CD40: variants seen among roughly 807,000 people sequenced by gnomAD.
CD40 encodes CD40 molecule, also known as tumor necrosis factor receptor superfamily member 5.
Under a neutral mutation model 38.5 loss-of-function variants are expected in CD40, and 19 were observed. That is an observed-to-expected ratio of 0.49 (90% CI 0.34 to 0.72). The LOEUF (loss-of-function observed/expected upper bound fraction) is 0.72. Among genes scored for constraint, CD40 ranks in the 30% least tolerant of loss-of-function variants. CD40 has a pLI of 0.01. For synonymous variants in CD40, 130 were observed against 128.7 expected (o/e 1.01, Z -0.07); for missense variants, 256 against 344.1 (o/e 0.74, Z 2.03).
chr20:46,121,785 C>T lies in CD40; in HGVS notation c.52-35C>T, dbSNP rs11569315. On this transcript the variant is annotated intron_variant, in intron 1 of 8. Transcript: ENST00000372285. Reference sequence around the variant, plus strand: ...GCTGAAGAAGTTGCAACGGAGATTTCAAGATCCCTTCAAATTGCACAATTC... The same window carrying T: ...GCTGAAGAAGTTGCAACGGAGATTTTAAGATCCCTTCAAATTGCACAATTC... 2,496 of 1,532,228 alleles carry T rather than the reference C, an allele frequency of 1.6e-3. 38 individuals are homozygous for T. In the African/African-American group the frequency reaches 0.029, roughly 18 times the overall value. 94.9% of individuals were successfully genotyped at this position (1,532,228 alleles called of 1,614,324 possible).
chr20:46,128,147 A>G lies in CD40; in HGVS notation c.569A>G (p.Asp190Gly). Residue 190 changes from aspartate (D) to glycine (G), a missense_variant, in exon 7 of 9, where the codon GAT becomes GGT. Physicochemically the swap from Asp to Gly is moderately conservative, Grantham distance 94. Coordinates refer to ENST00000372285, the MANE Select transcript of CD40 (RefSeq NM_001250.6). ...NKTDVVCGPQ[D>G]RLRALVVIPI... ...GTCCTGATTTCTCCAGGTCCCCAGG[A>G]TCGGCTGAGAGCCCTGGTGGTGATC... 6.2e-7 allele frequency: 1 copy of G among 1,613,710 alleles called. No individual in the cohort carries two copies. The highest frequency in any genetic ancestry group is 8.5e-7 in the Non-Finnish European group (1 of 1,179,884).
At chr20:46,121,742 G>C in intron 1 of CD40, 78 bp from the exon 2 acceptor site, 2 of 1,078,204 alleles carry the variant, frequency 1.9e-6, no homozygotes, top group Admixed American at 1.7e-5. Context: ...CTCTGTCCTG[G>C]ATGACTTTTA....
chr20:46,126,053 G>A (rs2085428331), intron 5 of CD40, among the ~76,000 whole-genome samples: 1 of 152,136 alleles, frequency 6.6e-6, no homozygotes, highest in Non-Finnish European at 1.5e-5. Context: ...TAAACCAGAG[G>A]TTCTCAACAG....
At chr20:46,126,591 T>C (rs2085441014) in intron 5 of CD40, 49 bp from the exon 6 acceptor site, 1 of 1,612,466 alleles carries the variant, frequency 6.2e-7, no homozygotes, top group Non-Finnish European at 8.5e-7. Flanking sequence ...AAACTTAATA[T>C]CTCTTTCTTT....
chr20:46,129,190 A>G lies in CD40; in HGVS notation c.*150A>G. ...TGCCTGCACCCCTGCAGTTTGAGAC[A>G]GGAGACCTGGCACTGGATGCAGAAA... On this transcript the variant is annotated 3_prime_UTR_variant, in exon 9 of 9. Transcript: ENST00000372285. 1 of 818,176 alleles carries G rather than the reference A, an allele frequency of 1.2e-6. No individual in the cohort carries two copies. The highest frequency in any genetic ancestry group is 1.7e-5 in the African/African-American group (1 of 59,656). The allele number at this position is 818,176 out of a possible 1,614,324, so 50.7% of individuals were successfully genotyped here.
intron 5 of CD40, among the ~76,000 whole-genome samples, chr20:46,125,148 G>A (rs1401844766): frequency 6.6e-6 from 1 of 151,180 alleles, no homozygotes; most frequent in Non-Finnish European, 1.5e-5. Flanking sequence ...CCCTCACTGA[G>A]CCTCAGTCTC....
intron 5 of CD40, among the ~76,000 whole-genome samples, chr20:46,126,325 G>C (rs554275229): frequency 6.6e-6 from 1 of 150,674 alleles, no homozygotes; most frequent in East Asian, 2.0e-4. Context: ...GGTGGATTCT[G>C]TCTCCTCTGA....
intron 6 of CD40, 189 bp from the exon 7 acceptor site, chr20:46,127,949 C>T (rs1258274631): frequency 1.1e-5 from 12 of 1,102,708 alleles, no homozygotes; most frequent in Non-Finnish European, 1.5e-5. Context: ...TATTTCCAAA[C>T]GTTAAGAAAA....
At chr20:46,124,782 T>TGAGACAGAG (rs2085395920) in intron 5 of CD40, among the ~76,000 whole-genome samples, 1 of 113,432 alleles carries the variant, frequency 8.8e-6, no homozygotes, top group Non-Finnish European at 1.9e-5. Context: ...TTTTTTTTTT[T>TGAGACAGAG]TTGAGACAGA....
chr20:46,124,770 T>G (rs1171710731), intron 5 of CD40, among the ~76,000 whole-genome samples: 1 of 113,146 alleles, frequency 8.8e-6, no homozygotes, highest in Non-Finnish European at 1.8e-5. Flanking sequence ...TTTTTTTTTT[T>G]TTTTTTTTTT....
In CD40 at chr20:46,122,585, A is replaced by G. The variant is rs771888321; in HGVS notation, c.257-25A>G. The G allele has an allele frequency of 8.7e-6, 14 of 1,613,988 alleles. No individual in the cohort carries two copies. The Admixed American group carries it at 2.3e-4, about 27-fold the overall frequency. Reference sequence around the variant, plus strand: ...GAGCATGGCCCAGCAGGGGGTTCCCATCCTTCCTGCCCTTCTCTTCTCAGA... The same window carrying G: ...GAGCATGGCCCAGCAGGGGGTTCCCGTCCTTCCTGCCCTTCTCTTCTCAGA... On this transcript the variant is annotated intron_variant, in intron 3 of 8. Transcript: ENST00000372285. This position sits in a 1 kb window ranked among gnomAD's most constrained non-coding sequence, Gnocchi z 5.0.
intron 1 of CD40, among the ~76,000 whole-genome samples, chr20:46,119,380 T>A (rs964802089): frequency 8.6e-5 from 13 of 151,000 alleles, no homozygotes; most frequent in African/African-American, 3.2e-4. Context: ...AGAGAGGGAG[T>A]GGGGAGGCTG....
intron 6 of CD40, 93 bp downstream of exon 6, chr20:46,126,794 G>A (rs2085446062): frequency 6.2e-7 from 1 of 1,604,510 alleles, no homozygotes; most frequent in African/African-American, 1.3e-5. Context: ...TGGGAAAAAG[G>A]GGAGGGGAGG....
chr20:46,125,386 A>T (rs1464262379), intron 5 of CD40, among the ~76,000 whole-genome samples: 1 of 151,710 alleles, frequency 6.6e-6, no homozygotes, highest in African/African-American at 2.4e-5. Context: ...TCTACTAAAA[A>T]TACAAAAATT....
chr20:46,122,145 A>G lies in CD40; in HGVS notation c.131-88A>G. ...CAAGACTTTCATCTTTGAATCCCCT[A>G]CCCTAAAGCCTGGCCTGATCATTGT... On this transcript the variant is annotated intron_variant, in intron 2 of 8. Coordinates refer to ENST00000372285, the MANE Select transcript of CD40 (RefSeq NM_001250.6). The surrounding 1 kb of genome is among the most constrained non-coding windows in gnomAD (Gnocchi z 5.0). 1 of 1,513,782 alleles carries G rather than the reference A, an allele frequency of 6.6e-7. No individual in the cohort carries two copies. The highest frequency in any genetic ancestry group is 9.2e-7 in the Non-Finnish European group (1 of 1,089,428). 93.8% of individuals were successfully genotyped at this position (1,513,782 alleles called of 1,614,324 possible).
chr20:46,125,576 A>G (rs1443950194), intron 5 of CD40, among the ~76,000 whole-genome samples: 1 of 150,634 alleles, frequency 6.6e-6, no homozygotes, highest in Non-Finnish European at 1.5e-5. Context: ...AAAAAAGACT[A>G]AAGTACATGG....
At chr20:46,126,515 T>C (rs1435324708) in intron 5 of CD40, 125 bp from the exon 6 acceptor site, 2 of 1,054,750 alleles carry the variant, frequency 1.9e-6, no homozygotes, top group East Asian at 5.0e-5. Context: ...TGTTGTGTGC[T>C]CAGTGAACCT....
chr20:46,129,175 C>T lies in CD40; in HGVS notation c.*135C>T. 1.0e-6 allele frequency: 1 copy of T among 962,736 alleles called. No individual in the cohort carries two copies. Among genetic ancestry groups the T allele is most frequent in the East Asian group, 2.5e-5 (1 of 39,254 alleles). The allele number at this position is 962,736 out of a possible 1,614,324, so 59.6% of individuals were successfully genotyped here. On this transcript the variant is annotated 3_prime_UTR_variant, in exon 9 of 9. Coordinates refer to ENST00000372285, the MANE Select transcript of CD40 (RefSeq NM_001250.6). Reference sequence around the variant, plus strand: ...ATAGCTCCCCGCTTCTGCCTGCACCCCTGCAGTTTGAGACAGGAGACCTGG... The same window carrying T: ...ATAGCTCCCCGCTTCTGCCTGCACCTCTGCAGTTTGAGACAGGAGACCTGG...
chr20:46,128,044 A>G (rs1458818095), intron 6 of CD40, 94 bp from the exon 7 acceptor site: 1 of 1,609,594 alleles, frequency 6.2e-7, no homozygotes, highest in Non-Finnish European at 8.5e-7. Flanking sequence ...GAGCTCTGAC[A>G]TTGGAAGATT....
Sources: allele counts gnomAD v4.1 joint callset (sites outside exome capture counted in the v4.1 genomes callset), GRCh38; gene constraint gnomAD v4.1.1; non-coding constraint Gnocchi (gnomAD v3.1); transcripts MANE v1.5; gene names NCBI Gene and HGNC (gene_info 2026-07-23, HGNC 2026-07-21).